Variants in MCMDC2 observed in about 807,000 individuals in gnomAD.
The protein encoded by MCMDC2 is minichromosome maintenance domain containing 2, also known as minichromosome maintenance domain-containing protein 2.
In MCMDC2, 54 loss-of-function variants were observed where a neutral mutation model predicts 75.8. That is an observed-to-expected ratio of 0.71 (90% confidence interval 0.57 to 0.89). The LOEUF is 0.89. Ranked by LOEUF, MCMDC2 falls within the 40% of genes least tolerant of loss-of-function variation. MCMDC2 has a pLI of 0.00. For missense variants in MCMDC2, 656 were observed against 780.4 expected (o/e 0.84, Z 1.90); for synonymous variants, 249 against 274.6 (o/e 0.91, Z 0.92).
chr8:66,915,615 C>CT (rs1050100603), intron 14 of MCMDC2, among the ~76,000 whole-genome samples: 18 of 148,644 alleles, frequency 1.2e-4, no homozygotes, highest in African/African-American at 3.7e-4. Context: ...ATATATATAA[C>CT]TTTTTTTTTA....
rs1171361491 is a variant in MCMDC2, at chr8:66,921,557, TAGAC to T, written c.*2393_*2396del. ...TTTAGAATTCTTGCCAATTTAGTCC[TAGAC>T]AGACTGGTCTGCTCAGTCATTTCTC... On this transcript the variant is annotated 3_prime_UTR_variant, in exon 15 of 15. Coordinates refer to ENST00000422365, the MANE Select transcript of MCMDC2 (RefSeq NM_173518.5). The T allele has an allele frequency of 5.3e-5, 8 of 152,276 alleles. No homozygotes were observed. The highest frequency in any genetic ancestry group is 1.0e-4 in the Non-Finnish European group (7 of 68,042). The allele number at this position is 152,276 out of a possible 1,614,324, so 9.4% of individuals were successfully genotyped here. A position where few individuals can be genotyped will look rare whatever the true frequency, so the allele number is the denominator to read the frequency against.
In MCMDC2 at chr8:66,896,822, T is replaced by G. The variant is rs1031431312; in HGVS notation, c.1489T>G (p.Leu497Val). 36 of 1,613,168 alleles carry G rather than the reference T, an allele frequency of 2.2e-5. No homozygotes were observed. The highest frequency in any genetic ancestry group is 3.1e-5 in the Non-Finnish European group (36 of 1,179,652). Residue 497 changes from leucine to valine, a missense_variant, in exon 12 of 15, where the codon TTA (leucine) becomes GTA (valine). By Grantham distance (32) the Leu-to-Val change is conservative (BLOSUM62 1). Transcript: ENST00000422365. ...AGCTAACCTTGTGGAGGCATTTGGT[T>G]TATTGATTAACTGCAACGAGTCATC... ...IPANLVEAFG[L>V]LINCNESSPC...
chr8:66,903,912 A>G (rs1812804707), intron 13 of MCMDC2, among the ~76,000 whole-genome samples: 1 of 152,228 alleles, frequency 6.6e-6, no homozygotes, highest in African/African-American at 2.4e-5. Context: ...ATCTTAATCT[A>G]AAAGAAGAAA....
chr8:66,875,953 T>A (rs964672841), intron 4 of MCMDC2, among the ~76,000 whole-genome samples: 1 of 152,220 alleles, frequency 6.6e-6, no homozygotes. Context: ...GCTTTTTAGA[T>A]TCAGATTCAA....
At chr8:66,910,670 A>C (rs1813074214) in intron 14 of MCMDC2, among the ~76,000 whole-genome samples, 1 of 152,144 alleles carries the variant, frequency 6.6e-6, no homozygotes. Flanking sequence ...TTAGCCGGGC[A>C]TGGTGGCGGG....
At chr8:66,886,600 C>T (rs1344782813) in intron 9 of MCMDC2, among the ~76,000 whole-genome samples, 1 of 152,002 alleles carries the variant, frequency 6.6e-6, no homozygotes, top group African/African-American at 2.4e-5. Context: ...TGGGGAAACC[C>T]CATCTCTAAT....
intron 14 of MCMDC2, among the ~76,000 whole-genome samples, chr8:66,918,110 A>C: frequency 6.6e-6 from 1 of 152,160 alleles, no homozygotes; most frequent in East Asian, 1.9e-4. Flanking sequence ...GGTGTGAGGT[A>C]GTAGCTCATT....
At chr8:66,876,359 A>G (rs962070450) in intron 4 of MCMDC2, among the ~76,000 whole-genome samples, 1 of 152,222 alleles carries the variant, frequency 6.6e-6, no homozygotes, top group Non-Finnish European at 1.5e-5. Context: ...GTTGAAATCT[A>G]GCAGCTTCCA....
Position 66,896,177 on chromosome 8 carries a change from G to T in MCMDC2, c.1287G>T (p.Glu429Asp), listed in dbSNP as rs368649010. 1.5e-5 allele frequency: 24 copies of T among 1,605,308 alleles called. No individual in the cohort carries two copies. The African/African-American group carries it at 2.5e-4, about 17-fold the overall frequency. Residue 429 changes from glutamate to aspartate, a missense_variant, in exon 11 of 15, where the codon GAG becomes GAT. By Grantham distance (45) the Glu-to-Asp change is conservative (BLOSUM62 2). Transcript: ENST00000422365. ...TAATGTCTTCTGACTTAGTTCTGGA[G>T]AGCAGAAGCATCACAGTGTACATCC... The part of the protein sequence containing the change: ...DKLEQLQTVL[E>D]SRSITVYIPG...
At chr8:66,901,002 T>C (rs1812631667) in intron 12 of MCMDC2, among the ~76,000 whole-genome samples, 2 of 152,220 alleles carry the variant, frequency 1.3e-5, no homozygotes, top group Non-Finnish European at 2.9e-5. Flanking sequence ...GAGGAGATTA[T>C]TCTGGGTAAA....
intron 5 of MCMDC2, 145 bp downstream of exon 5, chr8:66,877,689 A>C (rs1585851663): frequency 1.8e-6 from 1 of 552,612 alleles, no homozygotes; most frequent in African/African-American, 1.9e-5. Context: ...ACATGGAGAA[A>C]CCTCGTCTCT....
intron 7 of MCMDC2, among the ~76,000 whole-genome samples, 171 bp from the exon 8 acceptor site, chr8:66,880,678 C>T (rs1279705110): frequency 6.6e-6 from 1 of 152,096 alleles, no homozygotes; most frequent in Non-Finnish European, 1.5e-5. Flanking sequence ...AATAAAATTG[C>T]ATCAGATTAT....
intron 12 of MCMDC2, among the ~76,000 whole-genome samples, chr8:66,899,000 C>CTATA (rs1334531744): frequency 1.3e-5 from 2 of 152,168 alleles, no homozygotes; most frequent in African/African-American, 4.8e-5. Flanking sequence ...GTTTGTCAGA[C>CTATA]TATAGAGAAC....
At position 66,890,873 on chromosome 8, in the gene MCMDC2, ATT is replaced by A; in HGVS notation, c.1085_1086del (p.Phe362Ter). On this transcript the variant is annotated frameshift_variant, in exon 10 of 15. Transcript: ENST00000422365. LOFTEE classifies it high-confidence loss of function. ...TTATTTTTTTTCCCTAGGCTTCTGA[ATT>A]TTAGCATAAACCTTGTCCCCCGTGG... The A allele has an allele frequency of 6.2e-7, 1 of 1,601,688 alleles. No individual in the cohort carries two copies. The highest frequency in any genetic ancestry group is 8.5e-7 in the Non-Finnish European group (1 of 1,177,282).
intron 10 of MCMDC2, among the ~76,000 whole-genome samples, chr8:66,891,679 C>T (rs889400052): frequency 6.6e-5 from 10 of 152,206 alleles, no homozygotes; most frequent in African/African-American, 2.4e-4. Flanking sequence ...TTGTTCTGCT[C>T]ACTCAGCCTG....
At chr8:66,881,673 CT>C (rs1202439280) in intron 8 of MCMDC2, among the ~76,000 whole-genome samples, 1 of 151,830 alleles carries the variant, frequency 6.6e-6, no homozygotes, top group Non-Finnish European at 1.5e-5. Flanking sequence ...GTGATAGAGA[CT>C]CCGTCTCAAA....
At chr8:66,880,536 A>G (rs1006863516) in intron 7 of MCMDC2, among the ~76,000 whole-genome samples, 18 of 152,268 alleles carry the variant, frequency 1.2e-4, no homozygotes, top group African/African-American at 3.9e-4. Flanking sequence ...TTCATTGAAT[A>G]GAAAAATGTT....
At chr8:66,901,502 C>T in intron 13 of MCMDC2, 154 bp downstream of exon 13, 1 of 1,359,624 alleles carries the variant, frequency 7.4e-7, no homozygotes, top group Middle Eastern at 2.6e-4. Flanking sequence ...AAAGGCTTCA[C>T]AATTCCTTTT....
chr8:66,890,780 TA>T, intron 9 of MCMDC2, 84 bp from the exon 10 acceptor site: 1 of 1,175,826 alleles, frequency 8.5e-7, no homozygotes, highest in Non-Finnish European at 1.2e-6. Context: ...AGGTGCTCAG[TA>T]AACACAGAAT....
Sources: allele counts gnomAD v4.1 joint callset (sites outside exome capture counted in the v4.1 genomes callset), GRCh38; gene constraint gnomAD v4.1.1; transcripts MANE v1.5; gene names NCBI Gene and HGNC (gene_info 2026-07-23, HGNC 2026-07-21).